Variants in ZFPM2 observed in about 807,000 individuals in gnomAD.
ZFPM2 encodes zinc finger protein, FOG family member 2.
ZFPM2 carries 20 observed loss-of-function variants against 98.6 expected under a neutral mutation model. The ratio of observed to expected loss-of-function variants is 0.20; its 90% CI spans 0.14 to 0.29. The LOEUF is 0.29. Among genes scored for constraint, ZFPM2 ranks in the 10% least tolerant of loss-of-function variants. The pLI is 1.00. For missense variants in ZFPM2, 1,310 were observed against 1,388.6 expected, an observed-to-expected ratio of 0.94 and a Z score of 0.90; for synonymous variants, 518 against 502.7, an observed-to-expected ratio of 1.03 and a Z score of -0.41.
At chr8:105,359,779 A>G (rs1227309332) in intron 1 of ZFPM2, among the ~76,000 whole-genome samples, 3 of 152,230 alleles carry the variant, frequency 2.0e-5, no homozygotes, top group Admixed American at 6.5e-5. Flanking sequence ...TCTCTCATCC[A>G]TCATTATAAA....
chr8:105,480,251 A>G (rs556068157), intron 3 of ZFPM2, among the ~76,000 whole-genome samples: 1 of 152,316 alleles, frequency 6.6e-6, no homozygotes, highest in Admixed American at 6.5e-5. Context: ...CTTGAAAGAA[A>G]AGAGCAGCAT....
intron 6 of ZFPM2, chr8:105,796,774 T>C (rs1468284874): frequency 1.3e-5 from 2 of 152,186 alleles, no homozygotes; most frequent in Non-Finnish European, 2.9e-5. Context: ...TACAGAAATA[T>C]CAGATTCCAC....
intron 1 of ZFPM2, among the ~76,000 whole-genome samples, chr8:105,338,843 A>G (rs1411013214): frequency 2.0e-5 from 3 of 151,982 alleles, no homozygotes; most frequent in African/African-American, 4.8e-5. Context: ...CTGTGGGTAG[A>G]AAAAAAGAAG....
intron 6 of ZFPM2, among the ~76,000 whole-genome samples, chr8:105,792,367 C>T (rs1213740737): frequency 1.3e-5 from 2 of 152,164 alleles, no homozygotes; most frequent in Non-Finnish European, 2.9e-5. Flanking sequence ...CATTCAGGAG[C>T]AGGTTGTTCA....
intron 5 of ZFPM2, among the ~76,000 whole-genome samples, chr8:105,708,370 T>C (rs1389135436): frequency 6.6e-6 from 1 of 152,170 alleles, no homozygotes; most frequent in African/African-American, 2.4e-5. Context: ...CTGTTCTTTA[T>C]TTCCTTTAAT....
chr8:105,516,177 C>T (rs1243843633), intron 3 of ZFPM2, among the ~76,000 whole-genome samples: 3 of 151,972 alleles, frequency 2.0e-5, no homozygotes, highest in South Asian at 2.1e-4. Flanking sequence ...CCGCCTGCCT[C>T]GGCCTTCTAA....
chr8:105,449,754 A>G (rs758673083), intron 3 of ZFPM2, among the ~76,000 whole-genome samples: 5 of 152,050 alleles, frequency 3.3e-5, no homozygotes, highest in Non-Finnish European at 5.9e-5. Context: ...AATAGGGCTA[A>G]TAATAATAAC....
At chr8:105,449,119 C>T (rs114816251) in intron 3 of ZFPM2, among the ~76,000 whole-genome samples, 40 of 152,074 alleles carry the variant, frequency 2.6e-4, no homozygotes, top group African/African-American at 7.7e-4. Flanking sequence ...TGCTAATTCT[C>T]GGAATTACCT....
At chr8:105,741,094 G>A (rs1812204710) in intron 5 of ZFPM2, among the ~76,000 whole-genome samples, 1 of 152,062 alleles carries the variant, frequency 6.6e-6, no homozygotes, top group Admixed American at 6.6e-5. Context: ...CCAGAGGACA[G>A]AGCAAAGAAA....
At chr8:105,611,457 G>C (rs1816305700) in intron 4 of ZFPM2, among the ~76,000 whole-genome samples, 1 of 151,970 alleles carries the variant, frequency 6.6e-6, no homozygotes, top group South Asian at 2.1e-4. Context: ...GAGAAAAATG[G>C]TCATTTTGGC....
intron 5 of ZFPM2, among the ~76,000 whole-genome samples, chr8:105,704,667 A>G (rs1465968784): frequency 6.6e-6 from 1 of 152,168 alleles, no homozygotes; most frequent in Non-Finnish European, 1.5e-5. Flanking sequence ...TTCCAATGAC[A>G]TATTTACCTC....
At chr8:105,500,467 G>A (rs1046794956) in intron 3 of ZFPM2, among the ~76,000 whole-genome samples, 17 of 152,122 alleles carry the variant, frequency 1.1e-4, no homozygotes, top group Admixed American at 3.9e-4. Flanking sequence ...TATCCCTTCT[G>A]TGTATGTTAT....
intron 5 of ZFPM2, among the ~76,000 whole-genome samples, chr8:105,772,119 A>T (rs1812989895): frequency 6.6e-6 from 1 of 152,126 alleles, no homozygotes; most frequent in African/African-American, 2.4e-5. Flanking sequence ...TCAACAACTG[A>T]AACCTTAAAG....
chr8:105,700,563 T>C (rs532007213), intron 5 of ZFPM2, among the ~76,000 whole-genome samples: 2 of 115,734 alleles, frequency 1.7e-5, no homozygotes, highest in East Asian at 5.3e-4. Flanking sequence ...CTAGGAGTTT[T>C]TTGTTTGTTT....
Position 105,460,966 on chromosome 8 carries a change from A to G in ZFPM2, c.301+16585A>G, listed in dbSNP as rs1172365562. Among the ~76,000 whole-genome samples, 3 of 152,094 alleles carry G rather than the reference A, an allele frequency of 2.0e-5. No homozygotes were observed. In the East Asian group the frequency reaches 5.8e-4, roughly 29 times the overall value. ...TCTTTGACATATTGGTGTGGATAAT[A>G]GAAAAAAATTTTGATTATCAAGAAC... On this transcript the variant is annotated intron_variant, in intron 3 of 7. Coordinates refer to ENST00000407775, the MANE Select transcript of ZFPM2 (RefSeq NM_012082.4).
intron 1 of ZFPM2, among the ~76,000 whole-genome samples, chr8:105,365,790 G>A (rs1281102967): frequency 6.6e-6 from 1 of 152,092 alleles, no homozygotes; most frequent in Non-Finnish European, 1.5e-5. Context: ...CCTGGACTTG[G>A]GCTTCGATAT....
At chr8:105,756,914 C>T (rs949341569) in intron 5 of ZFPM2, among the ~76,000 whole-genome samples, 7 of 152,030 alleles carry the variant, frequency 4.6e-5, no homozygotes, top group African/African-American at 7.2e-5. Flanking sequence ...TGGGGCAGCG[C>T]GGGCCTGCCA....
chr8:105,773,883 C>T (rs1315868328), intron 5 of ZFPM2, among the ~76,000 whole-genome samples: 1 of 152,036 alleles, frequency 6.6e-6, no homozygotes, highest in Non-Finnish European at 1.5e-5. Flanking sequence ...AACACACTCA[C>T]TCATACTCCA....
chr8:105,534,683 A>G (rs1814412615), intron 3 of ZFPM2, among the ~76,000 whole-genome samples: 1 of 152,186 alleles, frequency 6.6e-6, no homozygotes, highest in South Asian at 2.1e-4. Flanking sequence ...ACAGCAGCTC[A>G]GTGAAAATAC....
Sources: gnomAD v4.1 joint callset for allele counts (sites outside exome capture counted in the v4.1 genomes callset) on GRCh38, gnomAD v4.1.1 for gene constraint, MANE v1.5 for transcripts, NCBI Gene and HGNC (gene_info 2026-07-23, HGNC 2026-07-21) for gene names.